Variants in KIF5A observed in about 807,000 individuals in gnomAD.
KIF5A encodes kinesin heavy chain isoform 5A.
In KIF5A, 35 loss-of-function variants were observed where a neutral mutation model predicts 141.3. The observed-to-expected ratio is 0.25, with a 90% CI of 0.19 to 0.33. The LOEUF (loss-of-function observed/expected upper bound fraction) is 0.33. KIF5A is among the 10% of genes least tolerant of loss of function. The pLI, the probability that KIF5A is intolerant of heterozygous loss-of-function variation, is 1.00. For missense variants in KIF5A, 861 were observed against 1,314.3 expected (o/e 0.66, Z 5.33); for synonymous variants, 448 against 500.2 (o/e 0.90, Z 1.39).
chr12:57,583,027 C>CA, intron 27 of KIF5A, 74 bp from the exon 28 acceptor site: 1 of 1,229,998 alleles, frequency 8.1e-7, no homozygotes, highest in Non-Finnish European at 1.2e-6. Flanking sequence ...GGGACACTCT[C>CA]AGAGCAGAGT....
intron 1 of KIF5A, among the ~76,000 whole-genome samples, chr12:57,558,341 A>G (rs1881808071): frequency 6.6e-6 from 1 of 152,056 alleles, no homozygotes; most frequent in African/African-American, 2.4e-5. Context: ...GGAGATGGAG[A>G]CCATCCTGGC....
intron 11 of KIF5A, 150 bp downstream of exon 11, chr12:57,569,833 G>A: frequency 7.2e-7 from 1 of 1,388,878 alleles, no homozygotes; most frequent in Non-Finnish European, 9.8e-7. Context: ...AGTCATGGGG[G>A]AAGGGAGGGG....
At position 57,575,237 on chromosome 12, in the gene KIF5A, C is replaced by T. The variant is rs748248329; in HGVS notation, c.1870C>T (p.Arg624Trp). 8.7e-6 allele frequency: 14 copies of T among 1,613,536 alleles called. No homozygotes were observed. The highest frequency in any genetic ancestry group is 5.0e-5 in the Admixed American group (3 of 59,914). ...ECHRKMEVTG[R>W]ELSSCQLLIS... ...TCACCGCAAGATGGAAGTGACCGGG[C>T]GGGAGCTCTCATCCTGCCAGCTCCT... The change falls in exon 16 of 29, where the codon CGG (arginine) becomes TGG (tryptophan). Residue 624 changes from arginine (R) to tryptophan (W), a missense_variant. Coordinates refer to ENST00000455537, the MANE Select transcript of KIF5A (RefSeq NM_004984.4).
Position 57,581,893 on chromosome 12 carries a change from G to C in KIF5A, c.2933G>C (p.Ser978Thr), listed in dbSNP as rs200008143. 1.2e-6 allele frequency: 2 copies of C among 1,614,112 alleles called. No homozygotes were observed. Among genetic ancestry groups the C allele is most frequent in the Admixed American group, 1.7e-5 (1 of 60,024 alleles). ...DMYFANSCTS[S>T]GATSSGGPLA... ...AGCTTTGCAAACTCCTGTACCAGCA[G>C]TGGAGCCACATCTTCTGGCGGCCCC... Residue 978 changes from serine to threonine, a missense_variant, in exon 26 of 29, where the codon AGT becomes ACT. By Grantham distance (58) the Ser-to-Thr change is moderately conservative. This residue lies in a region of KIF5A where 482 missense variants were observed against 661.3 expected (regional missense o/e 0.73). Coordinates refer to ENST00000455537, the MANE Select transcript of KIF5A (RefSeq NM_004984.4).
At chr12:57,576,958 T>C (rs995328377) in intron 20 of KIF5A, 96 bp downstream of exon 20, 3 of 875,474 alleles carry the variant, frequency 3.4e-6, no homozygotes, top group South Asian at 2.8e-5. Context: ...CATGCAGACA[T>C]GATAGGGTGA....
chr12:57,569,137 C>A, intron 9 of KIF5A, 70 bp downstream of exon 9: 2 of 1,547,094 alleles, frequency 1.3e-6, no homozygotes, highest in South Asian at 2.2e-5. Context: ...CTAATGCCAC[C>A]ATATGATCAT....
In KIF5A at chr12:57,572,834, G is replaced by A. The variant is rs1882298113; in HGVS notation, c.1716+108G>A. The stretch of plus-strand genomic sequence containing the variant: ...CTGAGAAAGGCAGCCAGAGAGCCAG[G>A]AAACATGCCTTTGAACTAGACCCAG... On this transcript the variant is annotated intron_variant, in intron 15 of 28. Transcript: ENST00000455537. The surrounding 1 kb of genome is among the most constrained non-coding windows in gnomAD (Gnocchi z 4.2). 1 of 1,326,318 alleles carries A rather than the reference G, an allele frequency of 7.5e-7. No homozygotes were observed. The highest frequency in any genetic ancestry group is 1.1e-6 in the Non-Finnish European group (1 of 919,320). The allele number at this position is 1,326,318 out of a possible 1,614,324, so 82.2% of individuals were successfully genotyped here. A position where few individuals can be genotyped will look rare whatever the true frequency, so the allele number is the denominator to read the frequency against.
intron 7 of KIF5A, 62 bp from the exon 8 acceptor site, chr12:57,567,432 G>A (rs1012206675): frequency 1.6e-5 from 26 of 1,600,702 alleles, no homozygotes; most frequent in Non-Finnish European, 2.0e-5. Context: ...AGTGGAAGCC[G>A]GGGGCTGAGG....
At chr12:57,552,804 T>G (rs922945078) in intron 1 of KIF5A, among the ~76,000 whole-genome samples, 1 of 152,100 alleles carries the variant, frequency 6.6e-6, no homozygotes, top group Non-Finnish European at 1.5e-5. Flanking sequence ...GTGGGAGAGA[T>G]AATCTTTCCC....
intron 1 of KIF5A, among the ~76,000 whole-genome samples, chr12:57,554,484 C>G (rs930578704): frequency 6.6e-6 from 1 of 152,186 alleles, no homozygotes; most frequent in Non-Finnish European, 1.5e-5. Context: ...TTCCTTTTTA[C>G]TAATTGTTTC....
chr12:57,578,165 C>T lies in KIF5A; in HGVS notation c.2434-73C>T. The stretch of plus-strand genomic sequence containing the variant: ...TCCTGCCCCTGTTGCCCCTATGGGG[C>T]TGGCTTGGCCTGGTCTTGGTGGGAC... On this transcript the variant is annotated intron_variant, in intron 22 of 28. Transcript: ENST00000455537. 3.2e-6 allele frequency: 5 copies of T among 1,573,666 alleles called. No individual in the cohort carries two copies. In the East Asian group the frequency reaches 6.7e-5, roughly 21 times the overall value.
chr12:57,582,740 G>T (rs1882644876), intron 27 of KIF5A, 111 bp downstream of exon 27: 1 of 881,966 alleles, frequency 1.1e-6, no homozygotes, highest in South Asian at 1.3e-5. Context: ...AAGGGGGAGG[G>T]AGTGAGACTC....
chr12:57,577,885 G>T (rs1882475302), intron 21 of KIF5A, 112 bp downstream of exon 21: 3 of 1,260,678 alleles, frequency 2.4e-6, no homozygotes, highest in Admixed American at 1.7e-5. Flanking sequence ...GCGTAATCAA[G>T]ACACATTTTT....
intron 1 of KIF5A, among the ~76,000 whole-genome samples, chr12:57,557,711 GT>G (rs1436056034): frequency 4.8e-5 from 7 of 146,666 alleles, no homozygotes; most frequent in East Asian, 3.9e-4. Context: ...CAATTTTTCT[GT>G]TTTTTTTTTG....
At chr12:57,552,603 T>C (rs2140151896) in intron 1 of KIF5A, among the ~76,000 whole-genome samples, 1 of 152,304 alleles carries the variant, frequency 6.6e-6, no homozygotes, top group South Asian at 2.1e-4. Context: ...ATTCATCATT[T>C]AGGGAATGAG....
intron 17 of KIF5A, 117 bp downstream of exon 17, chr12:57,575,874 C>T: frequency 5.4e-6 from 5 of 933,902 alleles, no homozygotes; most frequent in Admixed American, 1.7e-5. Flanking sequence ...TGGATGCCAA[C>T]TCATATGTTA....
intron 28 of KIF5A, among the ~76,000 whole-genome samples, chr12:57,583,515 T>G (rs966275356): frequency 2.0e-5 from 3 of 152,156 alleles, no homozygotes; most frequent in Non-Finnish European, 4.4e-5. Context: ...GCTTGGCCGC[T>G]GTAGATTAGA....
Position 57,576,345 on chromosome 12 carries a change from A to G in KIF5A, c.2165A>G (p.Asn722Ser). 6.2e-7 allele frequency: 1 copy of G among 1,614,038 alleles called. No individual in the cohort carries two copies. Among genetic ancestry groups the G allele is most frequent in the Non-Finnish European group, 8.5e-7 (1 of 1,179,894 alleles). The stretch of plus-strand genomic sequence containing the variant: ...CTGGCCCGGCTCCGGGACGAGATCA[A>G]CGAGAAGCAGAAGACCATTGATGAG... ...RQLARLRDEI[N>S]EKQKTIDELK... Residue 722 changes from asparagine to serine, a missense_variant, in exon 19 of 29, where the codon AAC becomes AGC. Coordinates refer to ENST00000455537, the MANE Select transcript of KIF5A (RefSeq NM_004984.4).
chr12:57,581,522 C>A lies in KIF5A; in HGVS notation c.2863C>A (p.Gln955Lys). 6.2e-7 allele frequency: 1 copy of A among 1,614,144 alleles called. No homozygotes were observed. Among genetic ancestry groups the A allele is most frequent in the East Asian group, 2.2e-5 (1 of 44,872 alleles). ...CACCAACAGCCTCTTCCAGAACTAC[C>A]AGAATCTCTACCTGCAGGCCACACC... ...SYTNSLFQNY[Q>K]NLYLQATPSS... Residue 955 changes from glutamine (Q) to lysine (K), a missense_variant, in exon 25 of 29, where the codon CAG becomes AAG. Physicochemically the swap from Gln to Lys is moderately conservative, Grantham distance 53. This residue lies in a region of KIF5A where 482 missense variants were observed against 661.3 expected (regional missense o/e 0.73). Coordinates refer to ENST00000455537, the MANE Select transcript of KIF5A (RefSeq NM_004984.4).
Sources: allele counts gnomAD v4.1 joint callset (sites outside exome capture counted in the v4.1 genomes callset), GRCh38; gene constraint gnomAD v4.1.1; regional missense constraint gnomAD v4.1.1; non-coding constraint Gnocchi (gnomAD v3.1); transcripts MANE v1.5; gene names NCBI Gene and HGNC (gene_info 2026-07-23, HGNC 2026-07-21).